ADAMTS6: variants seen among roughly 807,000 people sequenced by gnomAD.
The protein encoded by ADAMTS6 is ADAM metallopeptidase with thrombospondin type 1 motif 6.
ADAMTS6 carries 23 observed loss-of-function variants against 144.3 expected under a neutral mutation model. The ratio of observed to expected loss-of-function variants is 0.16; its 90% CI spans 0.11 to 0.23. The LOEUF (loss-of-function observed/expected upper bound fraction) is 0.23, where lower values mean the gene tolerates loss of function less well. ADAMTS6 is among the 10% of genes least tolerant of loss of function. The pLI is 1.00. For synonymous variants in ADAMTS6, 444 were observed against 457.5 expected, an observed-to-expected ratio of 0.97 and a Z score of 0.38; for missense variants, 999 against 1,379.6, an observed-to-expected ratio of 0.72 and a Z score of 4.37.
chr5:65,349,089 T>C (rs1036791506), intron 7 of ADAMTS6, among the ~76,000 whole-genome samples: 1 of 152,100 alleles, frequency 6.6e-6, no homozygotes, highest in Admixed American at 6.5e-5. Context: ...TATTTTGTCT[T>C]CCTCAAAAAC....
At chr5:65,401,320 T>C (rs1054329206) in intron 7 of ADAMTS6, among the ~76,000 whole-genome samples, 1 of 151,770 alleles carries the variant, frequency 6.6e-6, no homozygotes, top group Non-Finnish European at 1.5e-5. Flanking sequence ...GAGTTGAGTA[T>C]TTCCATTCTC....
chr5:65,189,939 C>A (rs1350030321), intron 21 of ADAMTS6, among the ~76,000 whole-genome samples: 2 of 152,110 alleles, frequency 1.3e-5, no homozygotes, highest in African/African-American at 4.8e-5. Context: ...TGGGAGACTC[C>A]CAAGAGAGAA....
At chr5:65,323,753 A>C (rs191960381) in intron 9 of ADAMTS6, among the ~76,000 whole-genome samples, 24 of 152,122 alleles carry the variant, frequency 1.6e-4, no homozygotes, top group Admixed American at 6.5e-5. Flanking sequence ...AAGTGTTCCT[A>C]TTTCTCCACA....
chr5:65,414,567 G>T (rs1411046568), intron 7 of ADAMTS6, among the ~76,000 whole-genome samples: 1 of 152,114 alleles, frequency 6.6e-6, no homozygotes, highest in Non-Finnish European at 1.5e-5. Flanking sequence ...CAAAAGTGCT[G>T]TAAGAAGGAT....
chr5:65,389,839 C>T (rs988913017), intron 7 of ADAMTS6, among the ~76,000 whole-genome samples: 1 of 152,066 alleles, frequency 6.6e-6, no homozygotes, highest in African/African-American at 2.4e-5. Context: ...GCCAATTTAG[C>T]AATTACTGCT....
intron 3 of ADAMTS6, among the ~76,000 whole-genome samples, chr5:65,466,238 T>C (rs1056584946): frequency 2.0e-5 from 3 of 152,222 alleles, no homozygotes; most frequent in African/African-American, 7.2e-5. Flanking sequence ...CCCAGTTTCC[T>C]TTCTGACCTC....
At chr5:65,431,837 T>C (rs1757023529) in intron 7 of ADAMTS6, among the ~76,000 whole-genome samples, 1 of 152,030 alleles carries the variant, frequency 6.6e-6, no homozygotes, top group Non-Finnish European at 1.5e-5. Flanking sequence ...GATATACAAA[T>C]AGAGAATTTA....
chr5:65,370,090 C>T (rs1750707637), intron 7 of ADAMTS6, among the ~76,000 whole-genome samples: 2 of 151,982 alleles, frequency 1.3e-5, no homozygotes, highest in Non-Finnish European at 2.9e-5. Context: ...GTCAGTGAAC[C>T]TCAAAATGTA....
At chr5:65,191,873 A>T (rs1314638440) in intron 21 of ADAMTS6, among the ~76,000 whole-genome samples, 2 of 152,164 alleles carry the variant, frequency 1.3e-5, no homozygotes, top group African/African-American at 4.8e-5. Flanking sequence ...AAGCAAAATT[A>T]GATGTATCAA....
At chr5:65,390,175 A>C (rs1752798013) in intron 7 of ADAMTS6, among the ~76,000 whole-genome samples, 1 of 152,216 alleles carries the variant, frequency 6.6e-6, no homozygotes, top group African/African-American at 2.4e-5. Flanking sequence ...AGGTCATAAA[A>C]ATATGACAAA....
chr5:65,380,436 T>C (rs923245013), intron 7 of ADAMTS6, among the ~76,000 whole-genome samples: 1 of 151,368 alleles, frequency 6.6e-6, no homozygotes, highest in African/African-American at 2.4e-5. Context: ...ATTAGCAGGG[T>C]GTGGTGGCGA....
rs562098700 is a variant in ADAMTS6 at position 65,244,984 on chromosome 5, A to G, written c.1831-2778T>C. Among the ~76,000 whole-genome samples, 28 of 152,260 alleles carry G rather than the reference A, an allele frequency of 1.8e-4. No homozygotes were observed. The South Asian group carries it at 5.8e-3, about 32-fold the overall frequency. ...AAGCAAGAGTTTCGGAGTAAGGCAG[A>G]CCTGGATTATGTCTAATTTGGTCAT... On this transcript the variant is annotated intron_variant, in intron 14 of 24. Transcript: ENST00000381055.
Position 65,215,491 on chromosome 5 carries a change from GA to G in ADAMTS6, c.2273-5del. The G allele has an allele frequency of 6.3e-7, 1 of 1,597,992 alleles. No individual in the cohort carries two copies. Among genetic ancestry groups the G allele is most frequent in the Non-Finnish European group, 8.5e-7 (1 of 1,174,504 alleles). ...TCATCTCCTTCAGATTTTAAAGCTA[GA>G]AAACAAATCACAATTCACCTAAAAA... On this transcript the variant is annotated splice_region_variant and splice_polypyrimidine_tract_variant and intron_variant, in intron 18 of 24. Transcript: ENST00000381055.
intron 7 of ADAMTS6, among the ~76,000 whole-genome samples, chr5:65,363,982 A>G (rs547595974): frequency 3.9e-5 from 6 of 152,348 alleles, no homozygotes; most frequent in East Asian, 1.9e-4. Flanking sequence ...TAAAATTCTC[A>G]GAGCCAACTG....
At chr5:65,391,712 A>G (rs1330744562) in intron 7 of ADAMTS6, among the ~76,000 whole-genome samples, 1 of 151,470 alleles carries the variant, frequency 6.6e-6, no homozygotes, top group East Asian at 1.9e-4. Flanking sequence ...GAATATTTCA[A>G]CAGCCTCTTT....
chr5:65,262,107 G>A (rs1479741005), intron 13 of ADAMTS6, among the ~76,000 whole-genome samples: 3 of 152,138 alleles, frequency 2.0e-5, no homozygotes, highest in African/African-American at 4.8e-5. Context: ...ACAACTAGAG[G>A]AACCGTTCAC....
intron 7 of ADAMTS6, among the ~76,000 whole-genome samples, chr5:65,412,681 T>C (rs1286714637): frequency 2.0e-5 from 3 of 152,184 alleles, no homozygotes; most frequent in African/African-American, 7.2e-5. Flanking sequence ...TATGACAATT[T>C]GGTTATTAGA....
intron 10 of ADAMTS6, 147 bp downstream of exon 10, chr5:65,299,838 T>G (rs1439385286): frequency 1.4e-5 from 11 of 803,102 alleles, no homozygotes; most frequent in Non-Finnish European, 1.8e-5. Context: ...GCCACAATGA[T>G]ATATTAAAGT....
chr5:65,404,674 C>A (rs1360234298), intron 7 of ADAMTS6, among the ~76,000 whole-genome samples: 1 of 152,164 alleles, frequency 6.6e-6, no homozygotes, highest in Non-Finnish European at 1.5e-5. Context: ...AATGGGATGG[C>A]TGGGTCAAAT....
Sources: allele counts gnomAD v4.1 joint callset (sites outside exome capture counted in the v4.1 genomes callset), GRCh38; gene constraint gnomAD v4.1.1; transcripts MANE v1.5; gene names NCBI Gene and HGNC (gene_info 2026-07-23, HGNC 2026-07-21).